Variants in CPED1 observed in about 807,000 individuals in gnomAD.
The protein encoded by CPED1 is cadherin-like and PC-esterase domain-containing protein 1.
In CPED1, 114 loss-of-function variants were observed where a neutral mutation model predicts 128.2. The ratio of observed to expected loss-of-function variants is 0.89; its 90% confidence interval spans 0.76 to 1.04. CPED1 has a LOEUF of 1.04. CPED1 is among the 50% of genes least tolerant of loss of function. The pLI is 0.00. For missense variants in CPED1, 1,211 were observed against 1,207.1 expected (o/e 1.00, Z -0.05); for synonymous variants, 462 against 426.7 (o/e 1.08, Z -1.02).
rs1239035167 is a variant in CPED1 at position 121,000,073 on chromosome 7, T to C, written c.249+10203T>C. ...ACCCTCTGAAATGGAAAGCACTAAA[T>C]ACACTGACATTATAAAAAGGGCTTC... On this transcript the variant is annotated intron_variant, in intron 2 of 22. Transcript: ENST00000310396. Among the ~76,000 whole-genome samples, 7 of 152,270 alleles carry C rather than the reference T, an allele frequency of 4.6e-5. No individual in the cohort carries two copies. In the East Asian group the frequency reaches 1.4e-3, roughly 29 times the overall value.
intron 16 of CPED1, among the ~76,000 whole-genome samples, chr7:121,201,721 CAG>C (rs1189725260): frequency 1.3e-5 from 2 of 152,068 alleles, no homozygotes; most frequent in African/African-American, 4.8e-5. Context: ...CAGAGGAAGA[CAG>C]AAAGCAGAAG....
chr7:121,153,483 G>A (rs891007464), intron 16 of CPED1, among the ~76,000 whole-genome samples: 2 of 152,150 alleles, frequency 1.3e-5, no homozygotes, highest in African/African-American at 4.8e-5. Context: ...CTTATTGTGT[G>A]TTAGGTTCTA....
intron 16 of CPED1, among the ~76,000 whole-genome samples, chr7:121,190,321 C>T (rs899846414): frequency 7.6e-6 from 1 of 131,492 alleles, no homozygotes; most frequent in Non-Finnish European, 1.5e-5. Context: ...GTGAGTAGAG[C>T]GGGGAGGTTG....
chr7:121,137,560 CTATTGTTAAGGTCATGGTAGGCTGA>C (rs1170800932), intron 14 of CPED1, among the ~76,000 whole-genome samples: 4 of 151,948 alleles, frequency 2.6e-5, no homozygotes, highest in Non-Finnish European at 5.9e-5. Context: ...TGTTTTATCA[CTATTGTTAAGGTCATGGTAGGCTGA>C]GAGGTTATAA....
At chr7:121,120,052 T>C (rs1355640616) in intron 7 of CPED1, among the ~76,000 whole-genome samples, 1 of 152,238 alleles carries the variant, frequency 6.6e-6, no homozygotes, top group Non-Finnish European at 1.5e-5. Flanking sequence ...TGTTTATCCC[T>C]TCATCTACTG....
chr7:121,048,147 C>A (rs1226117124), intron 4 of CPED1, among the ~76,000 whole-genome samples: 1 of 152,124 alleles, frequency 6.6e-6, no homozygotes, highest in Non-Finnish European at 1.5e-5. Flanking sequence ...GAAATTTCAA[C>A]AACCATTTGT....
At chr7:121,291,408 A>C (rs2116790754) in intron 22 of CPED1, among the ~76,000 whole-genome samples, 1 of 152,296 alleles carries the variant, frequency 6.6e-6, no homozygotes, top group Middle Eastern at 3.4e-3. Flanking sequence ...CCATTTTCAC[A>C]ATATTGATTC....
chr7:121,136,525 T>A (rs1563040691), intron 14 of CPED1, among the ~76,000 whole-genome samples: 1 of 152,182 alleles, frequency 6.6e-6, no homozygotes, highest in South Asian at 2.1e-4. Flanking sequence ...TCAATTTTTT[T>A]AATTCATTTT....
intron 2 of CPED1, among the ~76,000 whole-genome samples, chr7:121,003,559 C>T (rs1214499000): frequency 6.6e-6 from 1 of 152,066 alleles, no homozygotes; most frequent in Non-Finnish European, 1.5e-5. Flanking sequence ...AGAATCTGGC[C>T]ATCTGATACT....
intron 16 of CPED1, among the ~76,000 whole-genome samples, chr7:121,212,476 T>C (rs989663499): frequency 6.6e-6 from 1 of 152,086 alleles, no homozygotes; most frequent in East Asian, 1.9e-4. Context: ...ATCCTCCTGG[T>C]GAACTTCAAT....
At chr7:121,115,031 T>C (rs1795203740) in intron 7 of CPED1, among the ~76,000 whole-genome samples, 1 of 152,192 alleles carries the variant, frequency 6.6e-6, no homozygotes. Context: ...CATATCCTTT[T>C]GTAAATGTTG....
In CPED1 at chr7:121,081,435, T is replaced by C. The variant is rs190808633; in HGVS notation, c.617-16264T>C. Among the ~76,000 whole-genome samples the C allele has an allele frequency of 5.9e-5, 9 of 152,290 alleles. No homozygotes were observed. The East Asian group carries it at 1.5e-3, about 26-fold the overall frequency. ...GGAGAGAAGCATGAACTCTATTATATAGAAAACCCCATTCAAATCCTGTGA... is the reference window on the plus strand; with the variant it reads ...GGAGAGAAGCATGAACTCTATTATACAGAAAACCCCATTCAAATCCTGTGA... On this transcript the variant is annotated intron_variant, in intron 5 of 22. Coordinates refer to ENST00000310396, the MANE Select transcript of CPED1 (RefSeq NM_024913.5).
chr7:121,002,063 T>C (rs148468417), intron 2 of CPED1, among the ~76,000 whole-genome samples: 45 of 152,274 alleles, frequency 3.0e-4, no homozygotes, highest in African/African-American at 1.0e-3. Context: ...ATTTATAGTA[T>C]AGTGTGCTAT....
At chr7:121,047,095 A>T (rs1169225225) in intron 4 of CPED1, 102 bp downstream of exon 4, 2 of 677,654 alleles carry the variant, frequency 3.0e-6, no homozygotes, top group Non-Finnish European at 5.0e-6. Flanking sequence ...AATTAGAGTC[A>T]TTGTATCTAT....
intron 16 of CPED1, 71 bp downstream of exon 16, chr7:121,142,212 A>G (rs1458576056): frequency 2.6e-5 from 34 of 1,324,658 alleles, no homozygotes; most frequent in Non-Finnish European, 3.2e-5. Flanking sequence ...AAAATGCCAA[A>G]TGAAAATTAT....
At chr7:121,251,328 A>G (rs534902797) in intron 18 of CPED1, among the ~76,000 whole-genome samples, 2 of 152,224 alleles carry the variant, frequency 1.3e-5, no homozygotes, top group Non-Finnish European at 2.9e-5. Flanking sequence ...AAACAATAAC[A>G]GCTATCTATG....
chr7:121,148,036 CATA>C (rs1363417592), intron 16 of CPED1, among the ~76,000 whole-genome samples: 1 of 151,960 alleles, frequency 6.6e-6, no homozygotes, highest in Non-Finnish European at 1.5e-5. Context: ...AGCAAATATC[CATA>C]ATGAGAATAG....
At chr7:121,191,886 AT>A (rs1306055228) in intron 16 of CPED1, among the ~76,000 whole-genome samples, 2 of 152,130 alleles carry the variant, frequency 1.3e-5, no homozygotes, top group Non-Finnish European at 2.9e-5. Context: ...CACAATAAAT[AT>A]TTCATTTTAA....
intron 17 of CPED1, 61 bp downstream of exon 17, chr7:121,236,892 A>G (rs1798271748): frequency 4.9e-6 from 4 of 816,646 alleles, no homozygotes; most frequent in Non-Finnish European, 7.6e-6. Flanking sequence ...AGATAAGTGT[A>G]TGCTTATTTA....
Sources: allele counts gnomAD v4.1 joint callset (sites outside exome capture counted in the v4.1 genomes callset), GRCh38; gene constraint gnomAD v4.1.1; transcripts MANE v1.5; gene names NCBI Gene and HGNC (gene_info 2026-07-23, HGNC 2026-07-21).